The following ZBED6 variants were observed in gnomAD, a reference collection of about 807,000 sequenced individuals.
ZBED6 encodes the protein zinc finger BED domain-containing protein 6.
A neutral mutation model predicts 58.4 loss-of-function variants in ZBED6; 40 were observed. That is an observed-to-expected ratio of 0.68 (90% CI 0.53 to 0.89). The LOEUF (loss-of-function observed/expected upper bound fraction) is 0.89, where lower values mean the gene tolerates loss of function less well. Ranked by LOEUF, ZBED6 falls within the 40% of genes least tolerant of loss-of-function variation. The probability of loss-of-function intolerance (pLI) is 0.00; values close to 1 mark genes in which losing one functional copy is unlikely to be tolerated. For missense variants in ZBED6, 1,057 were observed against 1,003.9 expected (o/e 1.05, Z -0.71); for synonymous variants, 439 against 350.6 (o/e 1.25, Z -2.82).
At chr1:203,807,428 A>G (rs1672754195) in intron 1 of ZBED6, among the ~76,000 whole-genome samples, 1 of 150,692 alleles carries the variant, frequency 6.6e-6, no homozygotes, top group Non-Finnish European at 1.5e-5. Context: ...TGGGATTACA[A>G]ATGTGACTCA....
At chr1:203,831,537 G>C in intron 7 of ZBED6, 124 bp from the exon 8 acceptor site, 1 of 723,868 alleles carries the variant, frequency 1.4e-6, no homozygotes, top group South Asian at 1.8e-5. Context: ...CAGAAAGGCT[G>C]ATTGGCTTAT....
rs555924237 is a variant in ZBED6 at position 203,798,445 on chromosome 1, G to A, written c.923G>A (p.Arg308Gln). The A allele has an allele frequency of 3.3e-6, 5 of 1,535,924 alleles. No individual in the cohort carries two copies. The highest frequency in any genetic ancestry group is 4.4e-6 in the Non-Finnish European group (5 of 1,146,768). Reference sequence around the variant, plus strand: ...CACTTAGGGACTTCAACACTTCAACGACACCTGCAAGCCACACATCCTATC... The same window carrying A: ...CACTTAGGGACTTCAACACTTCAACAACACCTGCAAGCCACACATCCTATC... Residue 308 changes from arginine to glutamine, a missense_variant, in exon 1 of 17, where the codon CGA becomes CAA. Coordinates refer to ENST00000550078, the Ensembl canonical transcript of ZBED6.
intron 3 of ZBED6, among the ~76,000 whole-genome samples, chr1:203,820,509 G>A (rs931521981): frequency 7.1e-5 from 9 of 125,966 alleles, no homozygotes; most frequent in African/African-American, 1.4e-4. Context: ...ACAGAGTCTC[G>A]CGCTGTTACC....
chr1:203,833,379 A>AAAC (rs71145035), intron 8 of ZBED6, among the ~76,000 whole-genome samples: 12,437 of 145,678 alleles, frequency 0.085, 891 homozygotes, highest in Non-Finnish European at 0.14. Context: ...AAAAAAAAAA[A>AAAC]AAAAACACCA....
At chr1:203,852,585 A>G (rs1020763291) in exon 17 of ZBED6, 21 of 657,156 alleles carry the variant, frequency 3.2e-5, no homozygotes, top group Middle Eastern at 4.1e-4. Context: ...GTTACTTTAT[A>G]ACCATTTTGT....
chr1:203,852,261 C>T, exon 17 of ZBED6: 1 of 1,613,662 alleles, frequency 6.2e-7, no homozygotes, highest in Non-Finnish European at 8.5e-7. Flanking sequence ...CAGGAAAGCC[C>T]CCACTCTCTG....
chr1:203,796,937 G>C (rs962212211), exon 1 of ZBED6: 1 of 153,588 alleles, frequency 6.5e-6, no homozygotes, highest in Admixed American at 6.5e-5. Flanking sequence ...TGCGGAGTCT[G>C]TGTTGGCTTT....
At chr1:203,819,094 A>ACC in intron 3 of ZBED6, among the ~76,000 whole-genome samples, 1 of 52,546 alleles carries the variant, frequency 1.9e-5, no homozygotes, top group Non-Finnish European at 5.3e-5. Flanking sequence ...ATATATACAC[A>ACC]CACACACACA....
intron 2 of ZBED6, among the ~76,000 whole-genome samples, chr1:203,817,474 G>A (rs1676740820): frequency 6.6e-6 from 1 of 151,432 alleles, no homozygotes; most frequent in Non-Finnish European, 1.5e-5. Flanking sequence ...AAATGAGTGA[G>A]TGAATAGTTA....
chr1:203,817,911 C>G (rs1299319255), intron 2 of ZBED6, among the ~76,000 whole-genome samples: 1 of 152,032 alleles, frequency 6.6e-6, no homozygotes, highest in Non-Finnish European at 1.5e-5. Context: ...TGCCACCACA[C>G]CCAGCTAACT....
intron 1 of ZBED6, chr1:203,806,133 A>T (rs937580402): frequency 4.0e-6 from 2 of 505,072 alleles, no homozygotes; most frequent in Admixed American, 4.4e-5. Flanking sequence ...TCTGGTCCTT[A>T]TACTTCACTA....
intron 3 of ZBED6, among the ~76,000 whole-genome samples, chr1:203,819,089 TACAC>T (rs200302232): frequency 0.051 from 7,117 of 140,916 alleles, 244 homozygotes; most frequent in Non-Finnish European, 0.065. Context: ...TATATATATA[TACAC>T]ACACACACAC....
chr1:203,818,742 C>T, intron 3 of ZBED6, 53 bp downstream of exon 3: 1 of 1,608,682 alleles, frequency 6.2e-7, no homozygotes, highest in Non-Finnish European at 8.5e-7. Flanking sequence ...CCTGGTGGGC[C>T]AATAAAAAAT....
At position 203,819,975 on chromosome 1, in the gene ZBED6, G is replaced by A. The variant is rs7551455; in HGVS notation, c.*2873+1286G>A. The stretch of plus-strand genomic sequence containing the variant: ...GTCCAGGCTGGGCTCAGTGGCTCAC[G>A]CCTGTAATCCCAGCACTTTACTAGG... On this transcript the variant is annotated intron_variant, in intron 3 of 16. Transcript: ENST00000550078. 2.2e-3 allele frequency among the ~76,000 whole-genome samples: 329 copies of A among 151,094 alleles called. 1 individual carries two copies. The highest frequency in any genetic ancestry group is 3.6e-3 in the Non-Finnish European group (246 of 67,808).
At chr1:203,853,075 G>C (rs1689605580) in exon 17 of ZBED6, 1 of 151,784 alleles carries the variant, frequency 6.6e-6, no homozygotes, top group African/African-American at 2.4e-5. Flanking sequence ...AGTGCCTCAG[G>C]GGTCCCCTGA....
intron 3 of ZBED6, among the ~76,000 whole-genome samples, chr1:203,821,952 T>C (rs111700197): frequency 0.024 from 3,672 of 152,104 alleles, 128 homozygotes; most frequent in African/African-American, 0.081. Flanking sequence ...AGAGATGGGG[T>C]TTCACCGTGT....
At chr1:203,806,387 T>C (rs11240542) in intron 1 of ZBED6, 32,992 of 183,194 alleles carry the variant, frequency 0.18, 3,645 homozygotes, top group East Asian at 0.44. Flanking sequence ...CTGCAGCCTC[T>C]GCCTTCCGGG....
intron 11 of ZBED6, among the ~76,000 whole-genome samples, chr1:203,842,434 C>G (rs1686676771): frequency 6.6e-6 from 1 of 152,130 alleles, no homozygotes; most frequent in Non-Finnish European, 1.5e-5. Context: ...CCGTCTCCAC[C>G]AAAACATGCA....
At chr1:203,842,480 C>T (rs1271889425) in intron 11 of ZBED6, among the ~76,000 whole-genome samples, 1 of 152,066 alleles carries the variant, frequency 6.6e-6, no homozygotes, top group Non-Finnish European at 1.5e-5. Context: ...CGCCTGCAAT[C>T]CCAGGCACTC....
Sources: allele counts gnomAD v4.1 joint callset (sites outside exome capture counted in the v4.1 genomes callset), GRCh38; gene constraint gnomAD v4.1.1; transcripts MANE v1.5; gene names NCBI Gene and HGNC (gene_info 2026-07-23, HGNC 2026-07-21).